Variants in UNC13C observed in about 807,000 individuals in gnomAD.
UNC13C encodes protein unc-13 homolog C.
Under a neutral mutation model 245.4 loss-of-function variants are expected in UNC13C, and 174 were observed. That is an observed-to-expected ratio of 0.71 (90% CI 0.63 to 0.80). The LOEUF is 0.80. UNC13C is among the 30% of genes least tolerant of loss of function. The probability of loss-of-function intolerance (pLI) is 0.00; values close to 1 mark genes in which losing one functional copy is unlikely to be tolerated. For missense variants in UNC13C, 2,829 were observed against 2,602.9 expected (o/e 1.09, Z -1.89); for synonymous variants, 992 against 895.1 (o/e 1.11, Z -1.93).
chr15:54,611,889 A>T (rs182178808), intron 30 of UNC13C, among the ~76,000 whole-genome samples: 183 of 152,224 alleles, frequency 1.2e-3, no homozygotes, highest in African/African-American at 4.3e-3. Flanking sequence ...TCAGGCTTAC[A>T]CACAATTATG....
At position 54,032,490 on chromosome 15, in the gene UNC13C, A is replaced by G. The variant is rs1031828167; in HGVS notation, c.2983+16604A>G. 3.9e-5 allele frequency among the ~76,000 whole-genome samples: 6 copies of G among 152,190 alleles called. 1 individual carries two copies. Among genetic ancestry groups the G allele is most frequent in the Admixed American group, 1.3e-4 (2 of 15,284 alleles). ...CTAGTAGGGAGTTGTTTATTTTGTC[A>G]TAATCTATTTAGCACAAGGTATCCA... On this transcript the variant is annotated intron_variant, in intron 2 of 32. Coordinates refer to ENST00000260323, the MANE Select transcript of UNC13C (RefSeq NM_001080534.3).
At chr15:54,515,586 T>C (rs1894935567) in intron 24 of UNC13C, among the ~76,000 whole-genome samples, 1 of 152,186 alleles carries the variant, frequency 6.6e-6, no homozygotes, top group Admixed American at 6.5e-5. Flanking sequence ...AGATATGCAT[T>C]TTGAAACTCT....
At chr15:53,995,573 G>T (rs1894592260) in intron 1 of UNC13C, among the ~76,000 whole-genome samples, 1 of 148,792 alleles carries the variant, frequency 6.7e-6, no homozygotes, top group African/African-American at 2.5e-5. Context: ...GCCTACAAAG[G>T]CCTGATGAAA....
Position 54,420,308 on chromosome 15 carries a change from C to T in UNC13C, c.4933+5241C>T, listed in dbSNP as rs184156874. Among the ~76,000 whole-genome samples, 213 of 152,150 alleles carry T rather than the reference C, an allele frequency of 1.4e-3. 1 individual carries two copies. Among genetic ancestry groups the T allele is most frequent in the Non-Finnish European group, 2.4e-3 (163 of 68,000 alleles). ...GTAGTTGCGGGCTGTCAGCAGGAGACCTCAGTTGTTCTCAGCATGGACCTC... is the reference window on the plus strand; with the variant it reads ...GTAGTTGCGGGCTGTCAGCAGGAGATCTCAGTTGTTCTCAGCATGGACCTC... On this transcript the variant is annotated intron_variant, in intron 19 of 32. Transcript: ENST00000260323.
At chr15:54,325,465 T>C (rs928477868) in intron 14 of UNC13C, among the ~76,000 whole-genome samples, 1 of 151,996 alleles carries the variant, frequency 6.6e-6, no homozygotes, top group Non-Finnish European at 1.5e-5. Context: ...CAACGTGCAG[T>C]TTTGTTACAT....
At chr15:53,965,275 C>A in the UNC13C span, among the ~76,000 whole-genome samples, 7 of 152,198 alleles carry the variant, frequency 4.6e-5, no homozygotes, top group Admixed American at 4.6e-4. Context: ...TCATTTATAA[C>A]CCTCTCTTCC....
At chr15:54,071,937 G>T (rs966487164) in intron 2 of UNC13C, among the ~76,000 whole-genome samples, 6 of 152,074 alleles carry the variant, frequency 3.9e-5, no homozygotes, top group Non-Finnish European at 8.8e-5. Flanking sequence ...TCCTCACTTG[G>T]TTGCCCTTCT....
At chr15:53,894,900 C>A in the UNC13C span, among the ~76,000 whole-genome samples, 6 of 152,046 alleles carry the variant, frequency 3.9e-5, no homozygotes, top group African/African-American at 1.5e-4. Flanking sequence ...AACTCATGGA[C>A]TATATTATTT....
intron 17 of UNC13C, among the ~76,000 whole-genome samples, chr15:54,380,659 AG>A (rs1481171669): frequency 6.6e-6 from 1 of 152,144 alleles, no homozygotes; most frequent in Non-Finnish European, 1.5e-5. Flanking sequence ...CATTCTGACA[AG>A]TGAAAGGTGA....
intron 10 of UNC13C, among the ~76,000 whole-genome samples, chr15:54,274,852 A>G (rs189568403): frequency 1.3e-5 from 2 of 151,900 alleles, no homozygotes; most frequent in African/African-American, 4.8e-5. Flanking sequence ...TTGTATTTTT[A>G]GTAGAGACAG....
At chr15:54,063,538 C>T (rs944611833) in intron 2 of UNC13C, among the ~76,000 whole-genome samples, 5 of 152,054 alleles carry the variant, frequency 3.3e-5, no homozygotes, top group Non-Finnish European at 1.5e-5. Flanking sequence ...TCCTCACTTA[C>T]TTCTCCCTCA....
chr15:54,432,197 G>C (rs879572616), intron 19 of UNC13C, among the ~76,000 whole-genome samples: 1 of 151,534 alleles, frequency 6.6e-6, no homozygotes, highest in Non-Finnish European at 1.5e-5. Flanking sequence ...CCCTAATAGA[G>C]TCCATAGAGT....
At chr15:54,449,067 GA>G (rs1299015346) in intron 19 of UNC13C, among the ~76,000 whole-genome samples, 3 of 152,146 alleles carry the variant, frequency 2.0e-5, no homozygotes, top group Non-Finnish European at 4.4e-5. Context: ...ATTCTGGGTT[GA>G]AAATTCTTTT....
the UNC13C span, among the ~76,000 whole-genome samples, chr15:53,841,298 TC>T: frequency 2.0e-5 from 3 of 152,176 alleles, no homozygotes; most frequent in Admixed American, 6.6e-5. Context: ...GTCTCTGCTT[TC>T]CCCCCTACCT....
chr15:54,316,874 T>A (rs1301745634), intron 13 of UNC13C, among the ~76,000 whole-genome samples: 1 of 151,978 alleles, frequency 6.6e-6, no homozygotes, highest in Admixed American at 6.6e-5. Flanking sequence ...GCTGCCTCTA[T>A]GATTGCACTT....
chr15:53,846,083 C>A, the UNC13C span, among the ~76,000 whole-genome samples: 1 of 152,012 alleles, frequency 6.6e-6, no homozygotes, highest in Admixed American at 6.6e-5. Flanking sequence ...TGATTTTGCC[C>A]AATTGTAGGC....
At chr15:54,477,504 A>G (rs1375660434) in intron 19 of UNC13C, among the ~76,000 whole-genome samples, 1 of 110,696 alleles carries the variant, frequency 9.0e-6, no homozygotes, top group Non-Finnish European at 2.0e-5. Context: ...ATTTATTGAG[A>G]GTTTTTAGCA....
At chr15:54,279,720 CTT>C (rs1230699702) in intron 10 of UNC13C, among the ~76,000 whole-genome samples, 7 of 152,150 alleles carry the variant, frequency 4.6e-5, no homozygotes, top group African/African-American at 1.7e-4. Context: ...TTGTTTAACT[CTT>C]TTTCTCTGGC....
At chr15:53,842,981 G>A in the UNC13C span, among the ~76,000 whole-genome samples, 2 of 151,062 alleles carry the variant, frequency 1.3e-5, no homozygotes, top group Non-Finnish European at 3.0e-5. Context: ...ATAAAGAACA[G>A]AGAAATTTTG....
Sources: gnomAD v4.1 joint callset for allele counts (sites outside exome capture counted in the v4.1 genomes callset) on GRCh38, gnomAD v4.1.1 for gene constraint, MANE v1.5 for transcripts, NCBI Gene and HGNC (gene_info 2026-07-23, HGNC 2026-07-21) for gene names.